Variants in RASGRF1 observed in about 807,000 individuals in gnomAD.
The protein encoded by RASGRF1 is ras-specific guanine nucleotide-releasing factor 1.
Under a neutral mutation model 138.7 loss-of-function variants are expected in RASGRF1, and 40 were observed. The ratio of observed to expected loss-of-function variants is 0.29; its 90% confidence interval spans 0.22 to 0.38. The LOEUF (loss-of-function observed/expected upper bound fraction) is 0.38. Among genes scored for constraint, RASGRF1 ranks in the 10% least tolerant of loss-of-function variants. The pLI, the probability that RASGRF1 is intolerant of heterozygous loss-of-function variation, is 1.00. For synonymous variants in RASGRF1, 614 were observed against 663.2 expected (o/e 0.93, Z 1.14); for missense variants, 1,108 against 1,650.4 (o/e 0.67, Z 5.69).
At chr15:79,000,915 T>C (rs2056507438) in intron 16 of RASGRF1, among the ~76,000 whole-genome samples, 1 of 152,180 alleles carries the variant, frequency 6.6e-6, no homozygotes, top group Non-Finnish European at 1.5e-5. Flanking sequence ...GAGTTCAGGC[T>C]GCAGGCGGCC....
chr15:79,047,878 C>T (rs8030502), intron 4 of RASGRF1, among the ~76,000 whole-genome samples: 2,196 of 152,240 alleles, frequency 0.014, 52 homozygotes, highest in African/African-American at 0.05. Context: ...CTGAAAGGAC[C>T]GCTGTCTCCA....
Position 79,064,456 on chromosome 15 carries a change from T to C in RASGRF1, c.347A>G (p.Asp116Gly), listed in dbSNP as rs1411811053. 2 of 1,614,088 alleles carry C rather than the reference T, an allele frequency of 1.2e-6. No homozygotes were observed. The highest frequency in any genetic ancestry group is 1.7e-6 in the Non-Finnish European group (2 of 1,180,044). ...ALELRTEDAK[D>G]CDEWVAAIAH... is the part of the protein sequence containing the mutation. ...AATGGCTGCCACCCATTCGTCACAA[T>C]CTTTTGCGTCCTCTGTCCTCAGCTC... The change falls in exon 2 of 27, where the codon GAT becomes GGT. Residue 116 changes from aspartate (D) to glycine (G), a missense_variant. Asp to Gly is a moderately conservative substitution (Grantham distance 94, BLOSUM62 -1). This residue lies in a region of RASGRF1 where 253 missense variants were observed against 329.5 expected (regional missense o/e 0.77). Coordinates refer to ENST00000558480, the MANE Select transcript of RASGRF1 (RefSeq NM_001145648.3).
intron 2 of RASGRF1, among the ~76,000 whole-genome samples, chr15:79,063,750 C>T (rs2057639523): frequency 6.6e-6 from 1 of 152,140 alleles, no homozygotes; most frequent in African/African-American, 2.4e-5. Context: ...TGCTGCTGCC[C>T]CTAACCATGT....
chr15:79,003,787 G>A lies in RASGRF1; in HGVS notation c.2449+15C>T, dbSNP rs756548862. The A allele has an allele frequency of 2.5e-5, 40 of 1,571,294 alleles. No homozygotes were observed. The highest frequency in any genetic ancestry group is 2.2e-4 in the East Asian group (10 of 44,456). The stretch of plus-strand genomic sequence containing the variant: ...TGGGAGGCTGGGGGGCAGCTCCGAC[G>A]GCATGGCCACTCACTCTGCTTGCTG... On this transcript the variant is annotated intron_variant, in intron 15 of 26. Coordinates refer to ENST00000558480, the MANE Select transcript of RASGRF1 (RefSeq NM_001145648.3).
At chr15:79,067,130 G>T (rs530584803) in intron 1 of RASGRF1, among the ~76,000 whole-genome samples, 3 of 152,178 alleles carry the variant, frequency 2.0e-5, no homozygotes, top group Non-Finnish European at 4.4e-5. Flanking sequence ...AAGTGAAGTG[G>T]CCAGTTTATG....
In RASGRF1 at chr15:78,985,084, C is replaced by A; in HGVS notation, c.3337G>T (p.Val1113Leu). 1 of 1,614,022 alleles carries A rather than the reference C, an allele frequency of 6.2e-7. No homozygotes were observed. Among genetic ancestry groups the A allele is most frequent in the South Asian group, 1.1e-5 (1 of 91,062 alleles). The change falls in exon 23 of 27, where the codon GTA becomes TTA. Residue 1113 changes from valine to leucine, a missense_variant. Val to Leu is a conservative substitution (Grantham distance 32). Coordinates refer to ENST00000558480, the MANE Select transcript of RASGRF1 (RefSeq NM_001145648.3). ...ICRCLHNYNA[V>L]LEITSSMNRS... ...TTCATGGACGAGGTGATCTCCAGTACGGCATTGTAGTTGTGGAGGCAGCGG... is the reference window on the plus strand; with the variant it reads ...TTCATGGACGAGGTGATCTCCAGTAAGGCATTGTAGTTGTGGAGGCAGCGG...
chr15:79,003,709 G>T, intron 15 of RASGRF1, 93 bp downstream of exon 15: 1 of 1,491,376 alleles, frequency 6.7e-7, no homozygotes, highest in Non-Finnish European at 8.9e-7. Context: ...CCCCATGGGA[G>T]CAGGAAGAGC....
intron 15 of RASGRF1, 54 bp from the exon 16 acceptor site, chr15:79,001,841 T>A: frequency 8.4e-7 from 1 of 1,188,788 alleles, no homozygotes; most frequent in Non-Finnish European, 1.1e-6. Flanking sequence ...TTTTAAAATT[T>A]AAATATTTGA....
At chr15:78,985,583 AT>A (rs1419614762) in intron 22 of RASGRF1, 10 of 188,352 alleles carry the variant, frequency 5.3e-5, no homozygotes, top group Middle Eastern at 2.5e-3. Context: ...TAAATATGTC[AT>A]TTTTCTGACA....
chr15:79,001,740 T>G lies in RASGRF1; in HGVS notation c.2497A>C (p.Ser833Arg), dbSNP rs1290347589. 4 of 1,610,342 alleles carry G rather than the reference T, an allele frequency of 2.5e-6. No individual in the cohort carries two copies. The highest frequency in any genetic ancestry group is 2.2e-5 in the East Asian group (1 of 44,844). The stretch of plus-strand genomic sequence containing the variant: ...GATGTTTCAGTATCACCATCATCAC[T>G]CTGGTTTTGATCAATATCTGACTCC... ...REESDIDQNQ[S>R]DDGDTETSPT... The change falls in exon 16 of 27, where the codon AGT (serine) becomes CGT (arginine). Residue 833 changes from serine to arginine, a missense_variant. Around this residue, in one of 3 missense-constraint regions of RASGRF1, gnomAD observed 686 missense variants for 976.7 expected, o/e 0.70. Coordinates refer to ENST00000558480, the MANE Select transcript of RASGRF1 (RefSeq NM_001145648.3).
chr15:78,998,403 C>G (rs2141684829), intron 18 of RASGRF1, 195 bp from the exon 19 acceptor site: 1 of 631,218 alleles, frequency 1.6e-6, no homozygotes, highest in Non-Finnish European at 2.8e-6. Context: ...GATAAAGGCA[C>G]TGGAACCAGA....
chr15:79,035,526 C>A (rs933558755), intron 5 of RASGRF1, among the ~76,000 whole-genome samples: 5 of 152,238 alleles, frequency 3.3e-5, no homozygotes, highest in Non-Finnish European at 7.3e-5. Context: ...GCTGCTCTGG[C>A]CAGTGGCCTC....
chr15:78,982,574 C>A (rs558864415), intron 23 of RASGRF1, among the ~76,000 whole-genome samples: 1 of 152,202 alleles, frequency 6.6e-6, no homozygotes, highest in East Asian at 1.9e-4. Context: ...AGTGTGGACA[C>A]CAGCAGGCAG....
intron 2 of RASGRF1, among the ~76,000 whole-genome samples, chr15:79,062,085 T>C (rs1343755430): frequency 6.6e-6 from 1 of 152,248 alleles, no homozygotes; most frequent in East Asian, 1.9e-4. Context: ...TCTTAAGCAT[T>C]TTAGCCACTC....
At chr15:79,047,925 G>A (rs915496501) in intron 4 of RASGRF1, among the ~76,000 whole-genome samples, 6 of 152,190 alleles carry the variant, frequency 3.9e-5, no homozygotes, top group Non-Finnish European at 7.3e-5. Flanking sequence ...AGACCTGCTG[G>A]CTAGAGATGG....
intron 22 of RASGRF1, among the ~76,000 whole-genome samples, chr15:78,986,755 T>A (rs1404172221): frequency 1.3e-5 from 2 of 152,200 alleles, no homozygotes; most frequent in Non-Finnish European, 2.9e-5. Context: ...CAGGGCTTTA[T>A]CGCTAAGAAA....
In RASGRF1 at chr15:79,067,069, T is replaced by C. The variant is rs578117564; in HGVS notation, c.277-2543A>G. On this transcript the variant is annotated intron_variant, in intron 1 of 26. Coordinates refer to ENST00000558480, the MANE Select transcript of RASGRF1 (RefSeq NM_001145648.3). The stretch of plus-strand genomic sequence containing the variant: ...AAGCATCCTGCATCTGCTGTCCTCC[T>C]GGGATAGGAGACACTGCCTAGACCC... Among the ~76,000 whole-genome samples, 15 of 152,266 alleles carry C rather than the reference T, an allele frequency of 9.9e-5. No homozygotes were observed. In the East Asian group the frequency reaches 2.7e-3, roughly 27 times the overall value.
intron 3 of RASGRF1, among the ~76,000 whole-genome samples, chr15:79,057,655 T>G (rs2057528584): frequency 6.6e-6 from 1 of 152,198 alleles, no homozygotes; most frequent in African/African-American, 2.4e-5. Flanking sequence ...TCCTAAGGTT[T>G]AATGTAAATG....
chr15:79,003,397 G>C (rs1367455318), intron 15 of RASGRF1, among the ~76,000 whole-genome samples: 1 of 152,252 alleles, frequency 6.6e-6, no homozygotes, highest in Non-Finnish European at 1.5e-5. Flanking sequence ...CTGAATCCCA[G>C]GGGGCAGGAG....
Sources: allele counts gnomAD v4.1 joint callset (sites outside exome capture counted in the v4.1 genomes callset), GRCh38; gene constraint gnomAD v4.1.1; regional missense constraint gnomAD v4.1.1; transcripts MANE v1.5; gene names NCBI Gene and HGNC (gene_info 2026-07-23, HGNC 2026-07-21).